Variants in CPXM2 observed in about 807,000 individuals in gnomAD.
CPXM2 encodes the protein carboxypeptidase X, M14 family member 2.
A neutral mutation model predicts 86.1 loss-of-function variants in CPXM2; 66 were observed. The observed-to-expected ratio is 0.77, with a 90% CI of 0.63 to 0.94. The LOEUF is 0.94. CPXM2 is among the 40% of genes least tolerant of loss of function. The pLI is 0.00. For missense variants in CPXM2, 948 were observed against 1,026.3 expected (o/e 0.92, Z 1.04); for synonymous variants, 388 against 400.2 (o/e 0.97, Z 0.36).
intron 3 of CPXM2, among the ~76,000 whole-genome samples, chr10:123,856,281 G>T (rs1367201918): frequency 6.6e-6 from 1 of 152,210 alleles, no homozygotes; most frequent in Non-Finnish European, 1.5e-5. Flanking sequence ...AAATTCTTGA[G>T]AATGAGGTTG....
intron 2 of CPXM2, among the ~76,000 whole-genome samples, chr10:123,929,779 G>A (rs1945651668): frequency 6.6e-6 from 1 of 152,192 alleles, no homozygotes; most frequent in Non-Finnish European, 1.5e-5. Context: ...TCTTAGAGCG[G>A]GGTGTGCACC....
intron 7 of CPXM2, among the ~76,000 whole-genome samples, chr10:123,772,815 TTCCCTGGTTGTGGTTATCACC>T (rs1233359369): frequency 1.3e-5 from 2 of 149,302 alleles, no homozygotes; most frequent in East Asian, 2.0e-4. Context: ...TGGCTATCAC[TTCCCTGGTTGTGGTTATCACC>T]TCCCTGGTTG....
chr10:123,859,915 G>A (rs899186468), intron 3 of CPXM2, among the ~76,000 whole-genome samples: 6 of 152,082 alleles, frequency 3.9e-5, no homozygotes, highest in Admixed American at 6.6e-5. Context: ...CCCCATCTAC[G>A]GTGAGGCTCC....
At chr10:123,895,161 TCA>T (rs1221562841), upstream of CPXM2, among the ~76,000 whole-genome samples, 4 of 147,206 alleles carry the variant, frequency 2.7e-5, no homozygotes, top group African/African-American at 1.0e-4. Flanking sequence ...TCTCACTTTG[TCA>T]CCCTGGCTTG....
chr10:123,758,165 C>A (rs745378196), intron 11 of CPXM2, among the ~76,000 whole-genome samples: 1 of 152,124 alleles, frequency 6.6e-6, no homozygotes, highest in African/African-American at 2.4e-5. Context: ...AATGTGTAGT[C>A]GGTGTCTGGA....
At chr10:123,822,445 G>A (rs1847947155) in intron 4 of CPXM2, among the ~76,000 whole-genome samples, 1 of 152,100 alleles carries the variant, frequency 6.6e-6, no homozygotes, top group African/African-American at 2.4e-5. Context: ...GGAGAACATA[G>A]AGATTGCATA....
chr10:123,942,230 A>C (rs972830908), upstream of CPXM2, among the ~76,000 whole-genome samples: 1 of 152,178 alleles, frequency 6.6e-6, no homozygotes, highest in Non-Finnish European at 1.5e-5. Context: ...TCAGTCAAGG[A>C]TGTGTCAGAG....
chr10:123,851,754 A>T (rs1848602269), intron 3 of CPXM2, among the ~76,000 whole-genome samples: 1 of 145,896 alleles, frequency 6.9e-6, no homozygotes, highest in Non-Finnish European at 1.5e-5. Context: ...GGGTGACAGA[A>T]CGAGACATCA....
chr10:123,850,345 G>C (rs999567355), intron 3 of CPXM2, among the ~76,000 whole-genome samples: 1 of 152,208 alleles, frequency 6.6e-6, no homozygotes, highest in African/African-American at 2.4e-5. Flanking sequence ...CCCGTTATCT[G>C]TGGTTTCTCT....
intron 2 of CPXM2, among the ~76,000 whole-genome samples, chr10:123,921,203 C>G (rs1203382177): frequency 1.3e-5 from 2 of 152,054 alleles, no homozygotes; most frequent in Non-Finnish European, 2.9e-5. Flanking sequence ...AGAGTGCCCA[C>G]CAGATGAAGA....
At chr10:123,844,098 A>G (rs1476112095) in intron 3 of CPXM2, among the ~76,000 whole-genome samples, 1 of 152,126 alleles carries the variant, frequency 6.6e-6, no homozygotes, top group African/African-American at 2.4e-5. Context: ...TGCAAAATCG[A>G]TTATGAATTT....
At chr10:123,924,511 G>C (rs1230728244) in intron 2 of CPXM2, among the ~76,000 whole-genome samples, 5 of 152,240 alleles carry the variant, frequency 3.3e-5, no homozygotes, top group African/African-American at 1.2e-4. Context: ...ACAGGATGAG[G>C]ATTGAAAGAG....
At chr10:123,855,309 T>C (rs1848696443) in intron 3 of CPXM2, among the ~76,000 whole-genome samples, 1 of 152,132 alleles carries the variant, frequency 6.6e-6, no homozygotes, top group South Asian at 2.1e-4. Flanking sequence ...AGCACATATA[T>C]GGCCCCCAAG....
At chr10:123,789,293 G>C (rs571302302) in intron 6 of CPXM2, among the ~76,000 whole-genome samples, 175 of 152,294 alleles carry the variant, frequency 1.1e-3, no homozygotes, top group Non-Finnish European at 2.0e-3. Flanking sequence ...CCCCTCAGAG[G>C]GGGCAGCACA....
chr10:123,757,816 C>T (rs967184498), intron 11 of CPXM2, among the ~76,000 whole-genome samples: 9 of 152,130 alleles, frequency 5.9e-5, no homozygotes, highest in African/African-American at 2.2e-4. Flanking sequence ...CACTGTTTGC[C>T]AAGTGCCTCC....
At chr10:123,859,061 C>T (rs898141989) in intron 3 of CPXM2, among the ~76,000 whole-genome samples, 1 of 152,202 alleles carries the variant, frequency 6.6e-6, no homozygotes, top group Non-Finnish European at 1.5e-5. Context: ...CTGTGAGCCC[C>T]ATACCTTCCA....
At position 123,771,361 on chromosome 10, in the gene CPXM2, T is replaced by A. The variant is rs1318824801; in HGVS notation, c.979-322A>T. Among the ~76,000 whole-genome samples, 4 of 152,138 alleles carry A rather than the reference T, an allele frequency of 2.6e-5. No homozygotes were observed. In the East Asian group the frequency reaches 5.8e-4, roughly 22 times the overall value. On this transcript the variant is annotated intron_variant, in intron 7 of 13. Transcript: ENST00000241305. ...ACTTCCTGTTATCCTCCAAATGTTA[T>A]GTCTCTCAAAATCCATAGGCTGAAA...
intron 4 of CPXM2, among the ~76,000 whole-genome samples, chr10:123,800,682 A>G (rs990408087): frequency 2.6e-5 from 4 of 152,138 alleles, no homozygotes; most frequent in South Asian, 4.1e-4. Flanking sequence ...GCACAAGACA[A>G]TAAGAGGGGA....
At chr10:123,889,081 C>T (rs117691138) in intron 1 of CPXM2, among the ~76,000 whole-genome samples, 756 of 152,334 alleles carry the variant, frequency 5.0e-3, no homozygotes, top group Non-Finnish European at 8.2e-3. Flanking sequence ...GATTTCTCCT[C>T]CAGAGACCCC....
Sources: gnomAD v4.1 joint callset for allele counts (sites outside exome capture counted in the v4.1 genomes callset) on GRCh38, gnomAD v4.1.1 for gene constraint, MANE v1.5 for transcripts, NCBI Gene and HGNC (gene_info 2026-07-23, HGNC 2026-07-21) for gene names.